PCBP2: variants seen among roughly 807,000 people sequenced by gnomAD.
The protein encoded by PCBP2 is poly(rC) binding protein 2, also known as poly(rC)-binding protein 2.
In PCBP2, 4 loss-of-function variants were observed where a neutral mutation model predicts 50.1. The ratio of observed to expected loss-of-function variants is 0.08; its 90% CI spans 0.04 to 0.18. The LOEUF (loss-of-function observed/expected upper bound fraction) is 0.18, where lower values mean the gene tolerates loss of function less well. PCBP2 is among the 10% of genes least tolerant of loss of function. The pLI is 1.00. For missense variants in PCBP2, 161 were observed against 474.3 expected, an observed-to-expected ratio of 0.34 and a Z score of 6.14; for synonymous variants, 179 against 168.0, an observed-to-expected ratio of 1.07 and a Z score of -0.51.
At chr12:53,452,747 T>C (rs1940654023) in intron 1 of PCBP2, 1 of 151,680 alleles carries the variant, frequency 6.6e-6, no homozygotes, top group South Asian at 2.1e-4. Context: ...GGTCAGGCGC[T>C]GGCGCAGCCA....
intron 8 of PCBP2, among the ~76,000 whole-genome samples, chr12:53,463,373 T>C (rs1257945569): frequency 6.6e-6 from 1 of 152,146 alleles, no homozygotes; most frequent in Non-Finnish European, 1.5e-5. Context: ...TAAAATACAG[T>C]TGGCCCTTTG....
intron 7 of PCBP2, among the ~76,000 whole-genome samples, chr12:53,461,953 C>T (rs187127182): frequency 4.1e-4 from 63 of 152,226 alleles, no homozygotes; most frequent in African/African-American, 1.4e-3. Flanking sequence ...AAGCCATCCA[C>T]CCGCCTCAGC....
chr12:53,474,393 A>G (rs1942440007), intron 14 of PCBP2, among the ~76,000 whole-genome samples: 1 of 152,246 alleles, frequency 6.6e-6, no homozygotes, highest in Non-Finnish European at 1.5e-5. Context: ...ACTTTAATAC[A>G]TAGCTGGAAG....
Position 53,464,864 on chromosome 12 carries a change from T to TG in PCBP2, c.672+13dup. The TG allele has an allele frequency of 6.3e-7, 1 of 1,594,610 alleles. No homozygotes were observed. The highest frequency in any genetic ancestry group is 8.5e-7 in the Non-Finnish European group (1 of 1,173,630). ...GACCACCTCTAGAGGTGAGAGGGGATGTTCAGTCTCCAAGGCTCACTCAAT... is the reference window on the plus strand; with the variant it reads ...GACCACCTCTAGAGGTGAGAGGGGATGGTTCAGTCTCCAAGGCTCACTCAAT... On this transcript the variant is annotated intron_variant, in intron 9 of 14. Coordinates refer to ENST00000546463, the MANE Select transcript of PCBP2 (RefSeq NM_031989.5).
At chr12:53,458,292 TTTTTGTTTTTGTTTTTG>T (rs979802682) in intron 5 of PCBP2, among the ~76,000 whole-genome samples, 100 of 111,228 alleles carry the variant, frequency 9.0e-4, no homozygotes, top group Non-Finnish European at 1.6e-3. Context: ...ATATCTTTCG[TTTTTGTTTTTGTTTTTG>T]TTTTGTTTTG....
chr12:53,465,549 G>A (rs1941756914), intron 9 of PCBP2, among the ~76,000 whole-genome samples: 1 of 152,184 alleles, frequency 6.6e-6, no homozygotes, highest in African/African-American at 2.4e-5. Flanking sequence ...TGGTAGAAGG[G>A]TTGGGGTGGT....
At chr12:53,467,324 G>A in intron 11 of PCBP2, 31 bp downstream of exon 11, 1 of 1,553,122 alleles carries the variant, frequency 6.4e-7, no homozygotes, top group Non-Finnish European at 8.9e-7. Context: ...ATTTCTGTAA[G>A]GTGTAGTGCA....
chr12:53,471,507 C>A, intron 13 of PCBP2, 131 bp from the exon 14 acceptor site: 3 of 793,462 alleles, frequency 3.8e-6, no homozygotes, highest in Non-Finnish European at 5.5e-6. Flanking sequence ...TGAGGTTGCA[C>A]AGTGAGCCAA....
At chr12:53,458,521 G>T (rs1941212591) in intron 5 of PCBP2, among the ~76,000 whole-genome samples, 1 of 151,540 alleles carries the variant, frequency 6.6e-6, no homozygotes, top group Non-Finnish European at 1.5e-5. Context: ...TGGCCAGGCT[G>T]GTCTTGAACT....
chr12:53,462,408 G>A, intron 7 of PCBP2, 85 bp from the exon 8 acceptor site: 1 of 1,038,932 alleles, frequency 9.6e-7, no homozygotes, highest in Non-Finnish European at 1.4e-6. Context: ...TAATTTAACT[G>A]ACCTGTGTGA....
chr12:53,457,117 C>T (rs1423420548), intron 5 of PCBP2, among the ~76,000 whole-genome samples: 2 of 151,874 alleles, frequency 1.3e-5, no homozygotes, highest in Non-Finnish European at 2.9e-5. Flanking sequence ...CAGTGATATA[C>T]CTGTAGCTCT....
chr12:53,468,773 T>C lies in PCBP2; in HGVS notation c.827-4T>C, dbSNP rs1476624318. The C allele has an allele frequency of 3.7e-6, 6 of 1,612,032 alleles. No individual in the cohort carries two copies. The highest frequency in any genetic ancestry group is 1.1e-5 in the South Asian group (1 of 91,036). On this transcript the variant is annotated splice_polypyrimidine_tract_variant and splice_region_variant and intron_variant, in intron 12 of 14. Transcript: ENST00000546463. ...GAATTTGCTTGCTCTCTTCTGTCTT[T>C]TAGCAGGTTTGGATGCATCTGCTCA... is the stretch of plus-strand genomic sequence containing the variant.
rs1018838665 is a variant in PCBP2, at chr12:53,481,125, G to A, written c.*1683G>A. ...ATGTGGCGCATATATATATATATAT[G>A]TATATATATATAATTTATATAAATA... On this transcript the variant is annotated 3_prime_UTR_variant, in exon 15 of 15. Transcript: ENST00000546463. 9.8e-5 allele frequency: 52 copies of A among 529,528 alleles called. No homozygotes were observed. Among genetic ancestry groups the A allele is most frequent in the Non-Finnish European group, 1.3e-4 (48 of 372,944 alleles). 32.8% of individuals were successfully genotyped at this position (529,528 alleles called of 1,614,324 possible). A position where few individuals can be genotyped will look rare whatever the true frequency, so the allele number is the denominator to read the frequency against.
At chr12:53,464,527 G>C (rs1014559467) in intron 8 of PCBP2, 3 of 493,094 alleles carry the variant, frequency 6.1e-6, no homozygotes, top group Non-Finnish European at 1.1e-5. Flanking sequence ...CATCAGCTCT[G>C]TTGCCCCACC....
rs1940863818 is a variant in PCBP2 at position 53,454,791 on chromosome 12, ACT to A, written c.-9_-8del. ...CACTCAAAGTCCAGCTCCCCAGAAC[ACT>A]GCTCGACATGGACACCGGTGTGATT... On this transcript the variant is annotated 5_prime_UTR_variant, in exon 2 of 15. Coordinates refer to ENST00000546463, the MANE Select transcript of PCBP2 (RefSeq NM_031989.5). 3 of 1,613,614 alleles carry A rather than the reference ACT, an allele frequency of 1.9e-6. 1 individual carries two copies. The South Asian group carries it at 3.3e-5, about 18-fold the overall frequency.
chr12:53,464,219 G>A (rs929818117), intron 8 of PCBP2, among the ~76,000 whole-genome samples: 1 of 152,060 alleles, frequency 6.6e-6, no homozygotes, highest in Non-Finnish European at 1.5e-5. Flanking sequence ...CTGGGTGGCA[G>A]CAATCCTCTG....
intron 14 of PCBP2, among the ~76,000 whole-genome samples, chr12:53,472,651 T>C (rs1942318655): frequency 6.6e-6 from 1 of 152,242 alleles, no homozygotes; most frequent in South Asian, 2.1e-4. Context: ...AAGTGTTTAA[T>C]CTCTTTGTCA....
At chr12:53,476,294 A>G (rs1355708417) in intron 14 of PCBP2, among the ~76,000 whole-genome samples, 1 of 152,196 alleles carries the variant, frequency 6.6e-6, no homozygotes, top group African/African-American at 2.4e-5. Context: ...GGATCAACTA[A>G]TCTGTAACAC....
At chr12:53,464,428 G>A in intron 8 of PCBP2, 1 of 268,142 alleles carries the variant, frequency 3.7e-6, no homozygotes, top group Non-Finnish European at 7.0e-6. Flanking sequence ...AATATACAAT[G>A]TCCACAGATG....
Sources: allele counts gnomAD v4.1 joint callset (sites outside exome capture counted in the v4.1 genomes callset), GRCh38; gene constraint gnomAD v4.1.1; transcripts MANE v1.5; gene names NCBI Gene and HGNC (gene_info 2026-07-23, HGNC 2026-07-21).